STRN3: variants seen among roughly 807,000 people sequenced by gnomAD.
The protein encoded by STRN3 is striatin-3.
In STRN3, 29 loss-of-function variants were observed where a neutral mutation model predicts 95.6. The observed-to-expected ratio is 0.30, with a 90% CI of 0.23 to 0.41. STRN3 has a LOEUF of 0.41. Ranked by LOEUF, STRN3 falls within the 10% of genes least tolerant of loss-of-function variation. The probability of loss-of-function intolerance (pLI) is 1.00; values close to 1 mark genes in which losing one functional copy is unlikely to be tolerated. For missense variants in STRN3, 890 were observed against 972.1 expected (o/e 0.92, Z 1.12); for synonymous variants, 331 against 357.6 (o/e 0.93, Z 0.84).
At chr14:30,974,078 A>G (rs1423574021) in intron 1 of STRN3, among the ~76,000 whole-genome samples, 1 of 152,218 alleles carries the variant, frequency 6.6e-6, no homozygotes. Context: ...TCACACTTCT[A>G]TTCAATATAG....
chr14:30,956,014 C>G, intron 2 of STRN3, 125 bp downstream of exon 2: 3 of 704,116 alleles, frequency 4.3e-6, no homozygotes, highest in South Asian at 2.2e-5. Flanking sequence ...CAAATCAAGA[C>G]AGCATCATGT....
At chr14:30,954,217 G>C (rs1879792436) in intron 3 of STRN3, among the ~76,000 whole-genome samples, 1 of 151,878 alleles carries the variant, frequency 6.6e-6, no homozygotes, top group African/African-American at 2.4e-5. Context: ...TAAGTCTTTT[G>C]CCCATTATTC....
In STRN3 at chr14:30,981,606, A is replaced by C. The variant is rs78660062; in HGVS notation, c.283-25364T>G. On this transcript the variant is annotated intron_variant, in intron 1 of 17. Coordinates refer to ENST00000357479, the MANE Select transcript of STRN3 (RefSeq NM_001083893.2). ...CACACACACACACACACACACACAC[A>C]CCCCATAATTCAGTGTGCTAAAGCA... 3.3e-3 allele frequency among the ~76,000 whole-genome samples: 487 copies of C among 148,592 alleles called. 1 individual carries two copies. The highest frequency in any genetic ancestry group is 9.6e-3 in the African/African-American group (392 of 40,660).
At chr14:30,916,631 T>C (rs1476712685) in intron 9 of STRN3, among the ~76,000 whole-genome samples, 2 of 152,126 alleles carry the variant, frequency 1.3e-5, no homozygotes, top group African/African-American at 2.4e-5. Context: ...GAGTTTGCTA[T>C]GTTGCCCAGG....
At position 30,919,085 on chromosome 14, in the gene STRN3, TAG is replaced by T. The variant is rs1566435284; in HGVS notation, c.1119_1120del (p.Tyr374ArgfsTer5). 6.2e-7 allele frequency: 1 copy of T among 1,609,142 alleles called. No homozygotes were observed. Among genetic ancestry groups the T allele is most frequent in the Non-Finnish European group, 8.5e-7 (1 of 1,177,038 alleles). Reference sequence around the variant, plus strand: ...ATCTCCCAGATCAGCTATCATGTCGTAGAGTTTTGTCCTGTTGGCCCCTGTAA... The same window carrying T: ...ATCTCCCAGATCAGCTATCATGTCGTAGTTTTGTCCTGTTGGCCCCTGTAA... On this transcript the variant is annotated frameshift_variant, in exon 9 of 18. Transcript: ENST00000357479. LOFTEE classifies it high-confidence loss of function.
Position 30,953,396 on chromosome 14 carries a change from G to A in STRN3, c.460+2224C>T, listed in dbSNP as rs1301130023. On this transcript the variant is annotated intron_variant, in intron 3 of 17. Coordinates refer to ENST00000357479, the MANE Select transcript of STRN3 (RefSeq NM_001083893.2). Reference sequence around the variant, plus strand: ...TAATTTCTTCAATTTTCAGTTTTATGTGATTAAACCATGTTGTCACATTCA... The same window carrying A: ...TAATTTCTTCAATTTTCAGTTTTATATGATTAAACCATGTTGTCACATTCA... Among the ~76,000 whole-genome samples the A allele has an allele frequency of 2.0e-5, 3 of 152,244 alleles. No individual in the cohort carries two copies. The East Asian group carries it at 5.8e-4, about 29-fold the overall frequency.
chr14:30,904,709 GAAC>G (rs1333011716), intron 15 of STRN3, among the ~76,000 whole-genome samples: 1 of 151,942 alleles, frequency 6.6e-6, no homozygotes, highest in Non-Finnish European at 1.5e-5. Context: ...ACAAAAACAT[GAAC>G]AACCAGAAAA....
At chr14:30,939,556 G>A (rs540911023) in intron 5 of STRN3, among the ~76,000 whole-genome samples, 7 of 152,186 alleles carry the variant, frequency 4.6e-5, no homozygotes, top group African/African-American at 1.2e-4. Flanking sequence ...CATGAGTATC[G>A]TCAATCTTTT....
intron 1 of STRN3, among the ~76,000 whole-genome samples, chr14:30,980,669 G>A (rs1251510877): frequency 6.6e-6 from 1 of 151,978 alleles, no homozygotes; most frequent in African/African-American, 2.4e-5. Context: ...CCAAAGTGCT[G>A]GGATAACAGG....
intron 11 of STRN3, 39 bp from the exon 12 acceptor site, chr14:30,911,863 A>G (rs1355154366): frequency 6.3e-7 from 1 of 1,585,578 alleles, no homozygotes; most frequent in Non-Finnish European, 8.6e-7. Flanking sequence ...AGAGAAGGCA[A>G]TTAAATAACT....
intron 8 of STRN3, among the ~76,000 whole-genome samples, chr14:30,922,700 T>C (rs914467073): frequency 2.0e-5 from 3 of 152,206 alleles, no homozygotes; most frequent in Admixed American, 1.3e-4. Context: ...AGTTAAGTCA[T>C]GTTTGCTAGA....
intron 1 of STRN3, among the ~76,000 whole-genome samples, chr14:30,985,706 T>A (rs562245513): frequency 2.7e-3 from 239 of 88,196 alleles, no homozygotes; most frequent in African/African-American, 6.9e-3. Context: ...CACATAAATA[T>A]GTATAAATGA....
At chr14:30,983,574 TG>T (rs1881516965) in intron 1 of STRN3, among the ~76,000 whole-genome samples, 1 of 152,198 alleles carries the variant, frequency 6.6e-6, no homozygotes, top group African/African-American at 2.4e-5. Context: ...AAGGCAAAGA[TG>T]TTTTTTCATG....
chr14:30,983,944 T>C (rs1333786551), intron 1 of STRN3, among the ~76,000 whole-genome samples: 1 of 152,080 alleles, frequency 6.6e-6, no homozygotes, highest in African/African-American at 2.4e-5. Flanking sequence ...TAGACATTAC[T>C]TATCAATTAA....
At position 30,895,321 on chromosome 14, in the gene STRN3, T is replaced by C. The variant is rs1363640062; in HGVS notation, c.*90A>G. The C allele has an allele frequency of 5.2e-6, 7 of 1,334,092 alleles. 1 individual carries two copies. The African/African-American group carries it at 8.8e-5, about 17-fold the overall frequency. 82.6% of individuals were successfully genotyped at this position (1,334,092 alleles called of 1,614,324 possible). On this transcript the variant is annotated 3_prime_UTR_variant, in exon 18 of 18. Transcript: ENST00000357479. The stretch of plus-strand genomic sequence containing the variant: ...TAGCCTTCACCAGGCAGATCACATG[T>C]AGTGTCATATCAGTAACCTTTCTGA...
chr14:30,987,522 A>T (rs1346738877), intron 1 of STRN3, among the ~76,000 whole-genome samples: 1 of 151,170 alleles, frequency 6.6e-6, no homozygotes, highest in Non-Finnish European at 1.5e-5. Context: ...AATAAAAAAT[A>T]AAAAAAAACA....
chr14:30,981,833 G>A (rs940777548), intron 1 of STRN3, among the ~76,000 whole-genome samples: 2 of 152,018 alleles, frequency 1.3e-5, no homozygotes, highest in Non-Finnish European at 2.9e-5. Context: ...GGTGGCTCAC[G>A]CCTGAAATCC....
chr14:30,970,321 G>GAC (rs1880760563), intron 1 of STRN3, among the ~76,000 whole-genome samples: 1 of 152,184 alleles, frequency 6.6e-6, no homozygotes. Context: ...CCAGGAGTCT[G>GAC]GCCCCCCGAT....
In STRN3 at chr14:30,907,018, C is replaced by T. The variant is rs200627508; in HGVS notation, c.1747G>A (p.Val583Ile). The T allele has an allele frequency of 6.2e-7, 1 of 1,613,158 alleles. No individual in the cohort carries two copies. The highest frequency in any genetic ancestry group is 1.3e-5 in the African/African-American group (1 of 74,990). Residue 583 changes from valine (V) to isoleucine (I), a missense_variant, in exon 14 of 18, where the codon GTT becomes ATT. This residue lies in a region of STRN3 where 357 missense variants were observed against 422.8 expected (regional missense o/e 0.84). Transcript: ENST00000357479. ...YEPNVLAGTL[V>I]GHTDAVWGLA... The stretch of plus-strand genomic sequence containing the variant: ...CCCCAAACTGCATCTGTATGACCAA[C>T]TAAAGTGCCAGCTAGAACATTTGGC...
Sources: gnomAD v4.1 joint callset for allele counts (sites outside exome capture counted in the v4.1 genomes callset) on GRCh38, gnomAD v4.1.1 for gene constraint, gnomAD v4.1.1 regional missense constraint, MANE v1.5 for transcripts, NCBI Gene and HGNC (gene_info 2026-07-23, HGNC 2026-07-21) for gene names.